Variants in BNC2 observed in about 807,000 individuals in gnomAD.
BNC2 encodes zinc finger protein basonuclin-2.
BNC2 carries 20 observed loss-of-function variants against 76.3 expected under a neutral mutation model. That is an observed-to-expected ratio of 0.26 (90% CI 0.18 to 0.38). The LOEUF (loss-of-function observed/expected upper bound fraction) is 0.38. BNC2 is among the 10% of genes least tolerant of loss of function. The pLI, the probability that BNC2 is intolerant of heterozygous loss-of-function variation, is 1.00. For synonymous variants in BNC2, 582 were observed against 514.8 expected (o/e 1.13, Z -1.77); for missense variants, 1,382 against 1,399.8 (o/e 0.99, Z 0.20).
rs1563939913 is a variant in BNC2, at chr9:16,780,244, A to AC, written c.4-41760_4-41759insG. On this transcript the variant is annotated intron_variant, in intron 1 of 6. Coordinates refer to ENST00000380672, the MANE Select transcript of BNC2 (RefSeq NM_017637.6). ...GAGCAAGACTTCGTTTCAAAAAAAA[A>AC]AAAAAAAAAAAACAAAAAAAAACTA... Among the ~76,000 whole-genome samples the AC allele has an allele frequency of 2.2e-4, 25 of 112,214 alleles. No individual in the cohort carries two copies. The East Asian group carries it at 3.7e-3, about 17-fold the overall frequency. 73.6% of individuals were successfully genotyped at this position (112,214 alleles called of 152,430 possible).
At chr9:16,832,300 T>C in intron 1 of BNC2, 1 of 1,279,820 alleles carries the variant, frequency 7.8e-7, no homozygotes, top group Non-Finnish European at 1.0e-6. Flanking sequence ...TGTCATGTTA[T>C]CAAGGGAAAA....
intron 3 of BNC2, among the ~76,000 whole-genome samples, chr9:16,662,285 T>C (rs995688084): frequency 6.6e-6 from 1 of 152,166 alleles, no homozygotes; most frequent in African/African-American, 2.4e-5. Context: ...AACAAACCTA[T>C]GAAGTGTACA....
intron 3 of BNC2, among the ~76,000 whole-genome samples, chr9:16,655,364 C>T (rs939766937): frequency 6.6e-6 from 1 of 152,112 alleles, no homozygotes; most frequent in African/African-American, 2.4e-5. Context: ...ATTAAGATTA[C>T]TTGGAATTTG....
chr9:16,532,752 TG>T (rs1818021506), intron 5 of BNC2, among the ~76,000 whole-genome samples: 1 of 152,256 alleles, frequency 6.6e-6, no homozygotes, highest in Non-Finnish European at 1.5e-5. Context: ...CTATTATCTG[TG>T]CTCTGAAGAT....
At position 16,868,857 on chromosome 9, in the gene BNC2, A is replaced by G. The variant is rs1388084547; in HGVS notation, c.3+1789T>C. On this transcript the variant is annotated intron_variant, in intron 1 of 6. Transcript: ENST00000380672. ...CTGTTAACTTGTACAAGGTCTCACT[A>G]CTAGGGTACATCTTCAGATCAGACA... Among the ~76,000 whole-genome samples the G allele has an allele frequency of 2.0e-5, 3 of 152,288 alleles. No individual in the cohort carries two copies. In the East Asian group the frequency reaches 5.8e-4, roughly 29 times the overall value.
rs34196473 is a variant in BNC2 at position 16,643,305 on chromosome 9, CAA to C, written c.331-60222_331-60221del. ...TGGGTGAAAGAGCAAGACTCTGTCT[CAA>C]AAAAAAAAAAAAAAATGAGGTACCA... On this transcript the variant is annotated intron_variant, in intron 3 of 6. Transcript: ENST00000380672. Among the ~76,000 whole-genome samples the C allele has an allele frequency of 1.6e-3, 192 of 121,516 alleles. 1 individual carries two copies. The highest frequency in any genetic ancestry group is 2.4e-3 in the African/African-American group (79 of 33,608). The allele number at this position is 121,516 out of a possible 152,430, so 79.7% of individuals were successfully genotyped here. A position where few individuals can be genotyped will look rare whatever the true frequency, so the allele number is the denominator to read the frequency against.
At chr9:16,736,755 T>G (rs1274487113) in intron 2 of BNC2, among the ~76,000 whole-genome samples, 1 of 149,876 alleles carries the variant, frequency 6.7e-6, no homozygotes, top group Non-Finnish European at 1.5e-5. Context: ...ATTACAGGTA[T>G]GAGCCACTGG....
chr9:16,523,325 G>C (rs748533914), intron 5 of BNC2, among the ~76,000 whole-genome samples: 2 of 151,894 alleles, frequency 1.3e-5, no homozygotes, highest in Non-Finnish European at 2.9e-5. Flanking sequence ...CAAAAAATTA[G>C]CCGGGCAGGG....
chr9:16,692,994 G>A (rs1823220490), intron 3 of BNC2, among the ~76,000 whole-genome samples: 1 of 126,784 alleles, frequency 7.9e-6, no homozygotes, highest in African/African-American at 2.6e-5. Flanking sequence ...GCTGGGCATG[G>A]TGGCGGGCAC....
intron 1 of BNC2, among the ~76,000 whole-genome samples, chr9:16,857,250 G>C (rs1819281750): frequency 6.6e-6 from 1 of 151,944 alleles, no homozygotes; most frequent in African/African-American, 2.4e-5. Context: ...GGTTGAGGTG[G>C]GCAGATCACC....
chr9:16,636,827 T>C (rs1821342859), intron 3 of BNC2, among the ~76,000 whole-genome samples: 1 of 152,184 alleles, frequency 6.6e-6, no homozygotes, highest in African/African-American at 2.4e-5. Context: ...GGGATGTTAT[T>C]TGAAACTACA....
In BNC2 at chr9:16,409,592, C is replaced by T. The variant is rs1322413252; in HGVS notation, c.*9397G>A. On this transcript the variant is annotated 3_prime_UTR_variant, in exon 7 of 7. Transcript: ENST00000380672. ...ATTTGGACAAAATATGAATAAAATT[C>T]CATTTACATCCCCAAACCCTTATGC... is the stretch of plus-strand genomic sequence containing the variant. 2 of 152,564 alleles carry T rather than the reference C, an allele frequency of 1.3e-5. No individual in the cohort carries two copies. Among genetic ancestry groups the T allele is most frequent in the African/African-American group, 4.8e-5 (2 of 41,414 alleles). The allele number at this position is 152,564 out of a possible 1,614,324, so 9.5% of individuals were successfully genotyped here. A position where few individuals can be genotyped will look rare whatever the true frequency, so the allele number is the denominator to read the frequency against.
chr9:16,800,555 A>C (rs1238077043), intron 1 of BNC2, among the ~76,000 whole-genome samples: 1 of 152,112 alleles, frequency 6.6e-6, no homozygotes, highest in Non-Finnish European at 1.5e-5. Flanking sequence ...GAGGCACTGG[A>C]ACTCTTTTTT....
intron 3 of BNC2, among the ~76,000 whole-genome samples, chr9:16,691,364 C>T (rs528889063): frequency 4.6e-4 from 70 of 152,278 alleles, no homozygotes; most frequent in African/African-American, 1.5e-3. Flanking sequence ...TCAATGACTT[C>T]GCTAGTGCTT....
Position 16,529,190 on chromosome 9 carries a change from T to G in BNC2, c.669+23340A>C, listed in dbSNP as rs560294237. Among the ~76,000 whole-genome samples the G allele has an allele frequency of 2.4e-4, 37 of 152,286 alleles. No individual in the cohort carries two copies. The South Asian group carries it at 7.1e-3, about 29-fold the overall frequency. On this transcript the variant is annotated intron_variant, in intron 5 of 6. Coordinates refer to ENST00000380672, the MANE Select transcript of BNC2 (RefSeq NM_017637.6). ...TCTTAAAATCCTTGACTTAATCACA[T>G]CTGCAAAAACCCTTTTTTCCAAATA...
intron 3 of BNC2, among the ~76,000 whole-genome samples, chr9:16,657,466 C>A (rs557062863): frequency 1.3e-5 from 2 of 152,122 alleles, no homozygotes; most frequent in Non-Finnish European, 2.9e-5. Context: ...GTGGAGAAGA[C>A]AAGAAACAGA....
chr9:16,653,628 T>C (rs1302768522), intron 3 of BNC2, among the ~76,000 whole-genome samples: 2 of 152,142 alleles, frequency 1.3e-5, no homozygotes, highest in African/African-American at 4.8e-5. Flanking sequence ...GGTTTCTCTC[T>C]GTGCCTGTGA....
intron 1 of BNC2, among the ~76,000 whole-genome samples, chr9:16,831,134 G>T (rs1340619868): frequency 5.3e-5 from 8 of 152,154 alleles, no homozygotes; most frequent in Non-Finnish European, 7.4e-5. Flanking sequence ...CTACAAAAAA[G>T]AAATAATCTG....
chr9:16,647,028 G>T (rs1052185375), intron 3 of BNC2, among the ~76,000 whole-genome samples: 1 of 152,176 alleles, frequency 6.6e-6, no homozygotes, highest in Non-Finnish European at 1.5e-5. Context: ...ACATGTGGGG[G>T]AAAGGGGTGT....
Sources: allele counts gnomAD v4.1 joint callset (sites outside exome capture counted in the v4.1 genomes callset), GRCh38; gene constraint gnomAD v4.1.1; transcripts MANE v1.5; gene names NCBI Gene and HGNC (gene_info 2026-07-23, HGNC 2026-07-21).